The following SOS1 variants were observed in gnomAD, a reference collection of about 807,000 sequenced individuals.
SOS1 encodes the protein son of sevenless homolog 1.
A neutral mutation model predicts 157.6 loss-of-function variants in SOS1; 25 were observed. That is an observed-to-expected ratio of 0.16 (90% CI 0.12 to 0.22). The LOEUF (loss-of-function observed/expected upper bound fraction) is 0.22. SOS1 is among the 10% of genes least tolerant of loss of function. SOS1 has a pLI of 1.00. For synonymous variants in SOS1, 528 were observed against 534.0 expected (o/e 0.99, Z 0.16); for missense variants, 1,237 against 1,599.1 (o/e 0.77, Z 3.86).
upstream of SOS1, among the ~76,000 whole-genome samples, chr2:39,123,937 G>A (rs746269013): frequency 6.6e-6 from 1 of 152,188 alleles, no homozygotes; most frequent in Non-Finnish European, 1.5e-5. Flanking sequence ...GACTGCAGAG[G>A]AAAACAAGCC....
At chr2:39,110,460 C>A (rs1673381981) in intron 1 of SOS1, among the ~76,000 whole-genome samples, 1 of 151,518 alleles carries the variant, frequency 6.6e-6, no homozygotes, top group Non-Finnish European at 1.5e-5. Context: ...AAAATATCAA[C>A]ACAATCCAAT....
chr2:39,069,524 G>C (rs534087153), intron 1 of SOS1, among the ~76,000 whole-genome samples: 1 of 152,210 alleles, frequency 6.6e-6, no homozygotes, highest in Admixed American at 6.5e-5. Context: ...ACTACACAGA[G>C]TATGAGCTTT....
intron 15 of SOS1, among the ~76,000 whole-genome samples, chr2:39,010,063 C>T (rs554065047): frequency 6.6e-6 from 1 of 152,236 alleles, no homozygotes; most frequent in Admixed American, 6.5e-5. Flanking sequence ...CGCCTGTAAT[C>T]CCAGCACTTT....
At position 39,007,186 on chromosome 2, in the gene SOS1, C is replaced by T. The variant is rs1669307873; in HGVS notation, c.2518G>A (p.Val840Ile). 1.3e-6 allele frequency: 2 copies of T among 1,583,272 alleles called. No individual in the cohort carries two copies. The highest frequency in any genetic ancestry group is 1.1e-5 in the South Asian group (1 of 90,364). Residue 840 changes from valine (V) to isoleucine (I), a missense_variant, in exon 16 of 23, where the codon GTA (valine) becomes ATA (isoleucine). Val to Ile is a conservative substitution (Grantham distance 29). Transcript: ENST00000402219. ...CTTTCTTCTAAATTTTCAGTTTCTA[C>T]AATACATCTGGGAATAAAAAAAAAG... The part of the protein sequence containing the change: ...NLTLWFEKCI[V>I]ETENLEERVA...
At chr2:39,095,666 T>A (rs1672744499) in intron 1 of SOS1, among the ~76,000 whole-genome samples, 1 of 152,338 alleles carries the variant, frequency 6.6e-6, no homozygotes, top group Admixed American at 6.5e-5. Context: ...CAAGCCTTAA[T>A]AGGAGTACTT....
At chr2:39,004,680 G>A (rs1669227517) in intron 17 of SOS1, among the ~76,000 whole-genome samples, 1 of 152,026 alleles carries the variant, frequency 6.6e-6, no homozygotes, top group Admixed American at 6.6e-5. Context: ...ACAGATGGTA[G>A]AATTTAAAAC....
chr2:38,998,086 AG>A (rs534547750), intron 17 of SOS1, among the ~76,000 whole-genome samples: 342 of 152,310 alleles, frequency 2.2e-3, no homozygotes, highest in African/African-American at 7.9e-3. Flanking sequence ...TTGTAGACTT[AG>A]TGGCAACCTA....
At chr2:39,033,124 G>A (rs901729596) in intron 8 of SOS1, among the ~76,000 whole-genome samples, 2 of 143,378 alleles carry the variant, frequency 1.4e-5, no homozygotes, top group Admixed American at 1.4e-4. Context: ...AGGCTGAAGT[G>A]CAATGGCGTG....
intron 1 of SOS1, among the ~76,000 whole-genome samples, chr2:39,112,246 C>T (rs1018348889): frequency 1.3e-5 from 2 of 152,178 alleles, no homozygotes; most frequent in Admixed American, 1.3e-4. Context: ...AACAGATAAG[C>T]GCTATTGGAG....
intron 15 of SOS1, 132 bp from the exon 16 acceptor site, chr2:39,007,325 C>T: frequency 4.6e-6 from 3 of 655,716 alleles, no homozygotes; most frequent in Non-Finnish European, 8.1e-6. Flanking sequence ...AGAGAAGACA[C>T]ATTCAGGGTG....
In SOS1 at chr2:39,114,305, T is replaced by C. The variant is rs188442591; in HGVS notation, c.87+6031A>G. On this transcript the variant is annotated intron_variant, in intron 1 of 22. Coordinates refer to ENST00000402219, the MANE Select transcript of SOS1 (RefSeq NM_005633.4). ...TTTTCTTTTTGTTCTTTTCTTTTTTTTTTTTCTTTTTTTCTGAGATGGAGT... is the reference window on the plus strand; with the variant it reads ...TTTTCTTTTTGTTCTTTTCTTTTTTCTTTTTCTTTTTTTCTGAGATGGAGT... 8.3e-4 allele frequency among the ~76,000 whole-genome samples: 126 copies of C among 151,260 alleles called. 2 individuals carry two copies. In the East Asian group the frequency reaches 0.018, roughly 22 times the overall value.
At chr2:39,079,283 A>G (rs1672123381) in intron 1 of SOS1, among the ~76,000 whole-genome samples, 1 of 152,124 alleles carries the variant, frequency 6.6e-6, no homozygotes, top group African/African-American at 2.4e-5. Context: ...GTTACAGAAC[A>G]ATAGAAACAA....
At chr2:39,080,408 G>A (rs1468332998) in intron 1 of SOS1, among the ~76,000 whole-genome samples, 5 of 152,122 alleles carry the variant, frequency 3.3e-5, no homozygotes, top group Non-Finnish European at 5.9e-5. Context: ...CCTGCTGTGC[G>A]GCCTGGTTCC....
intron 2 of SOS1, among the ~76,000 whole-genome samples, chr2:39,067,296 G>A (rs899710928): frequency 6.6e-6 from 1 of 152,094 alleles, no homozygotes; most frequent in Admixed American, 6.5e-5. Flanking sequence ...TTACAGGCTT[G>A]AGCCACCACA....
Position 39,120,509 on chromosome 2 carries a change from C to G in SOS1, c.-87G>C, listed in dbSNP as rs554621230. ...GAGAGGGCGAGCTCGCAGCGCGGAA[C>G]AGGGCCGCGGCCCCACCGGACGGCC... On this transcript the variant is annotated 5_prime_UTR_variant, in exon 1 of 23. Transcript: ENST00000402219. 8.8e-5 allele frequency: 108 copies of G among 1,221,994 alleles called. No homozygotes were observed. The African/African-American group carries it at 1.5e-3, about 17-fold the overall frequency. The allele number at this position is 1,221,994 out of a possible 1,614,324, so 75.7% of individuals were successfully genotyped here. A position where few individuals can be genotyped will look rare whatever the true frequency, so the allele number is the denominator to read the frequency against.
At chr2:39,009,315 G>C (rs889722285) in intron 15 of SOS1, among the ~76,000 whole-genome samples, 79 of 152,082 alleles carry the variant, frequency 5.2e-4, no homozygotes, top group African/African-American at 1.8e-3. Flanking sequence ...GTAAAATAAA[G>C]ATTTTCCCAG....
At chr2:39,100,658 G>A (rs1024368742) in intron 1 of SOS1, among the ~76,000 whole-genome samples, 2 of 152,212 alleles carry the variant, frequency 1.3e-5, no homozygotes, top group Non-Finnish European at 2.9e-5. Flanking sequence ...ACTCATACCT[G>A]TGATCCAAGC....
In SOS1 at chr2:39,112,395, T is replaced by G. The variant is rs188024844; in HGVS notation, c.87+7941A>C. The stretch of plus-strand genomic sequence containing the variant: ...TCACTGCAGCATCAGCCTCCTGAGC[T>G]CAAGGGATCCTCCCACCTCAGTCTC... On this transcript the variant is annotated intron_variant, in intron 1 of 22. Coordinates refer to ENST00000402219, the MANE Select transcript of SOS1 (RefSeq NM_005633.4). 2.1e-3 allele frequency among the ~76,000 whole-genome samples: 314 copies of G among 152,328 alleles called. 1 individual carries two copies. Among genetic ancestry groups the G allele is most frequent in the African/African-American group, 7.2e-3 (298 of 41,586 alleles).
intron 1 of SOS1, among the ~76,000 whole-genome samples, chr2:39,079,928 A>T (rs1672142537): frequency 6.6e-6 from 1 of 151,980 alleles, no homozygotes; most frequent in African/African-American, 2.4e-5. Flanking sequence ...GACTAGGAGG[A>T]GGTGGGTGGG....
Sources: gnomAD v4.1 joint callset for allele counts (sites outside exome capture counted in the v4.1 genomes callset) on GRCh38, gnomAD v4.1.1 for gene constraint, MANE v1.5 for transcripts, NCBI Gene and HGNC (gene_info 2026-07-23, HGNC 2026-07-21) for gene names.